The following DRC11 variants were observed in gnomAD, a reference collection of about 807,000 sequenced individuals.
DRC11 encodes dynein regulatory complex subunit 11.
At chr2:236,414,322 T>A in the DRC11 span, among the ~76,000 whole-genome samples, 1 of 152,180 alleles carries the variant, frequency 6.6e-6, no homozygotes, top group African/African-American at 2.4e-5. Context: ...TCTGAGGATG[T>A]TTTTCCTATG....
chr2:236,439,797 C>T, the DRC11 span, among the ~76,000 whole-genome samples: 1 of 151,762 alleles, frequency 6.6e-6, no homozygotes, highest in South Asian at 2.1e-4. Flanking sequence ...CATTTTTTTC[C>T]AACAGATTTA....
At chr2:236,327,065 TCTC>T in the DRC11 span, among the ~76,000 whole-genome samples, 1 of 152,068 alleles carries the variant, frequency 6.6e-6, no homozygotes, top group African/African-American at 2.4e-5. Context: ...TCTGTCTCTC[TCTC>T]CTTATTCTTT....
the DRC11 span, among the ~76,000 whole-genome samples, chr2:236,315,721 G>C: frequency 6.6e-6 from 1 of 152,192 alleles, no homozygotes; most frequent in Non-Finnish European, 1.5e-5. This position sits in a 1 kb window ranked among gnomAD's most constrained non-coding sequence, Gnocchi z 5.1. Flanking sequence ...GATGAAGCTG[G>C]AAGCCATTAT....
At chr2:236,465,198 G>A in the DRC11 span, among the ~76,000 whole-genome samples, 1 of 152,104 alleles carries the variant, frequency 6.6e-6, no homozygotes, top group African/African-American at 2.4e-5. This position sits in a 1 kb window ranked among gnomAD's most constrained non-coding sequence, Gnocchi z 6.2. Flanking sequence ...CTAGATGCCA[G>A]AAGGGAAGGT....
chr2:236,474,940 C>A, the DRC11 span, among the ~76,000 whole-genome samples: 1 of 151,974 alleles, frequency 6.6e-6, no homozygotes, highest in Non-Finnish European at 1.5e-5. Context: ...ATTGGACTAT[C>A]CATCATCTCA....
the DRC11 span, among the ~76,000 whole-genome samples, chr2:236,455,369 G>C: frequency 6.6e-6 from 1 of 152,214 alleles, no homozygotes; most frequent in Admixed American, 6.5e-5. The surrounding 1 kb of genome is among the most constrained non-coding windows in gnomAD (Gnocchi z 5.7). Context: ...GGCAGCCCCT[G>C]GTGCTGTGCC....
the DRC11 span, among the ~76,000 whole-genome samples, chr2:236,482,949 T>G: frequency 6.6e-6 from 1 of 152,186 alleles, no homozygotes; most frequent in Non-Finnish European, 1.5e-5. This position sits in a 1 kb window ranked among gnomAD's most constrained non-coding sequence, Gnocchi z 4.5. Context: ...CATTAAGTAG[T>G]GTTAACTATA....
chr2:236,364,068 G>A, the DRC11 span: 27 of 1,091,914 alleles, frequency 2.5e-5, no homozygotes, highest in South Asian at 4.5e-5. Flanking sequence ...AAACTGCATC[G>A]TGTGACTCCA....
chr2:236,479,477 GCT>G, the DRC11 span, among the ~76,000 whole-genome samples: 1 of 151,472 alleles, frequency 6.6e-6, no homozygotes, highest in African/African-American at 2.4e-5. The surrounding 1 kb of genome is among the most constrained non-coding windows in gnomAD (Gnocchi z 4.1). Context: ...TTAATTAATT[GCT>G]TTTTTATTTT....
chr2:236,349,359 A>G, the DRC11 span, among the ~76,000 whole-genome samples: 1 of 152,226 alleles, frequency 6.6e-6, no homozygotes, highest in Non-Finnish European at 1.5e-5. The surrounding 1 kb of genome is among the most constrained non-coding windows in gnomAD (Gnocchi z 5.5). Context: ...TAAAAGGTTT[A>G]TACTTCGTAA....
chr2:236,497,682 CACT>C, the DRC11 span, among the ~76,000 whole-genome samples: 1 of 152,130 alleles, frequency 6.6e-6, no homozygotes, highest in Non-Finnish European at 1.5e-5. This position sits in a 1 kb window ranked among gnomAD's most constrained non-coding sequence, Gnocchi z 5.1. Context: ...TATGTACCAC[CACT>C]ATTATCATCA....
At chr2:236,345,328 C>T in the DRC11 span, among the ~76,000 whole-genome samples, 6 of 152,166 alleles carry the variant, frequency 3.9e-5, no homozygotes, top group Admixed American at 1.3e-4. Flanking sequence ...CCCCCCCAAC[C>T]GCTCCTCTGT....
At chr2:236,423,769 C>T in the DRC11 span, among the ~76,000 whole-genome samples, 2 of 152,074 alleles carry the variant, frequency 1.3e-5, no homozygotes, top group African/African-American at 4.8e-5. Flanking sequence ...TATTGTGGCA[C>T]TATTCACTAT....
At chr2:236,403,200 C>T in the DRC11 span, among the ~76,000 whole-genome samples, 1 of 151,834 alleles carries the variant, frequency 6.6e-6, no homozygotes, top group East Asian at 1.9e-4. Flanking sequence ...GAAGGAACAG[C>T]ATGTGTGAAG....
At chr2:236,465,371 G>T in the DRC11 span, 3 of 711,452 alleles carry the variant, frequency 4.2e-6, no homozygotes, top group Non-Finnish European at 7.1e-6. The surrounding 1 kb of genome is among the most constrained non-coding windows in gnomAD (Gnocchi z 6.2). Flanking sequence ...TCTTAGCCTT[G>T]GCATTTCACG....
At chr2:236,491,203 T>C in the DRC11 span, among the ~76,000 whole-genome samples, 85 of 62,960 alleles carry the variant, frequency 1.4e-3, 2 homozygotes, top group Middle Eastern at 0.01. Context: ...TATATATATA[T>C]ATATATATAC....
chr2:236,359,930 ATGTGGTGCTCCACAT>A, the DRC11 span, among the ~76,000 whole-genome samples: 1 of 152,150 alleles, frequency 6.6e-6, no homozygotes, highest in East Asian at 1.9e-4. This position sits in a 1 kb window ranked among gnomAD's most constrained non-coding sequence, Gnocchi z 4.3. Flanking sequence ...AGGTGGGTGA[ATGTGGTGCTCCACAT>A]TTTAATAATT....
chr2:236,494,032 C>T, the DRC11 span: 354 of 616,924 alleles, frequency 5.7e-4, 1 homozygote, highest in Middle Eastern at 5.6e-3. The surrounding 1 kb of genome is among the most constrained non-coding windows in gnomAD (Gnocchi z 4.2). Flanking sequence ...ATGAGGCCAG[C>T]GGAGTGAGGA....
the DRC11 span, chr2:236,507,175 A>G: frequency 1.5e-5 from 22 of 1,425,448 alleles, no homozygotes; most frequent in Non-Finnish European, 1.9e-5. Context: ...AAGAAAAAAG[A>G]AAATAAGAGA....
Sources: gnomAD v4.1 joint callset for allele counts (sites outside exome capture counted in the v4.1 genomes callset) on GRCh38, gnomAD v4.1.1 for gene constraint, Gnocchi (gnomAD v3.1) non-coding constraint, MANE v1.5 for transcripts, NCBI Gene and HGNC (gene_info 2026-07-23, HGNC 2026-07-21) for gene names.